Variants in KBTBD3 observed in about 807,000 individuals in gnomAD.
KBTBD3 encodes the protein kelch repeat and BTB domain-containing protein 3.
Under a neutral mutation model 49.6 loss-of-function variants are expected in KBTBD3, and 38 were observed. That is an observed-to-expected ratio of 0.77 (90% CI 0.59 to 1.00). The LOEUF is 1.00. Ranked by LOEUF, KBTBD3 falls within the 50% of genes least tolerant of loss-of-function variation. The pLI, the probability that KBTBD3 is intolerant of heterozygous loss-of-function variation, is 0.00. For missense variants in KBTBD3, 661 were observed against 712.0 expected, an observed-to-expected ratio of 0.93 and a Z score of 0.81; for synonymous variants, 214 against 250.4, an observed-to-expected ratio of 0.85 and a Z score of 1.37.
At chr11:106,064,893 A>G (rs1860774865) in intron 2 of KBTBD3, among the ~76,000 whole-genome samples, 2 of 152,214 alleles carry the variant, frequency 1.3e-5, no homozygotes, top group Admixed American at 6.5e-5. Context: ...CCACTAAAAG[A>G]TATGTATTTA....
At chr11:106,071,643 T>C (rs7935812) in intron 2 of KBTBD3, among the ~76,000 whole-genome samples, 13,708 of 152,246 alleles carry the variant, frequency 0.09, 659 homozygotes, top group Middle Eastern at 0.15. Context: ...TGAAAATTTC[T>C]ATTTCTTAAA....
At position 106,052,333 on chromosome 11, in the gene KBTBD3, T is replaced by C. The variant is rs1860434801; in HGVS notation, c.*517A>G. 6.6e-6 allele frequency: 1 copy of C among 152,244 alleles called. No individual in the cohort carries two copies. Among genetic ancestry groups the C allele is most frequent in the South Asian group, 2.1e-4 (1 of 4,838 alleles). 9.4% of individuals were successfully genotyped at this position (152,244 alleles called of 1,614,324 possible). ...TCATTAAAAAAAGTTAAACTATGTT[T>C]AGTGTACTATTTATAAAGCTGGGAG... On this transcript the variant is annotated 3_prime_UTR_variant, in exon 4 of 4. Transcript: ENST00000531837.
Position 106,058,886 on chromosome 11 carries a change from G to A in KBTBD3, c.212C>T (p.Ala71Val). The change falls in exon 3 of 4, where the codon GCA becomes GTA. Residue 71 changes from alanine to valine, a missense_variant. Coordinates refer to ENST00000531837, the MANE Select transcript of KBTBD3 (RefSeq NM_198439.3). ...EIIPCHRCVL[A>V]ACSDFFRAMF... ...GTACCTGAAAAAGTCACTGCATGCTGCTAACACACAACGATGACACGGGAT... is the reference window on the plus strand; with the variant it reads ...GTACCTGAAAAAGTCACTGCATGCTACTAACACACAACGATGACACGGGAT... 6.4e-7 allele frequency: 1 copy of A among 1,573,564 alleles called. No homozygotes were observed. The highest frequency in any genetic ancestry group is 8.6e-7 in the Non-Finnish European group (1 of 1,165,534).
At chr11:106,054,520 A>G in intron 3 of KBTBD3, 65 bp from the exon 4 acceptor site, 5 of 1,282,262 alleles carry the variant, frequency 3.9e-6, no homozygotes, top group Non-Finnish European at 5.1e-6. Flanking sequence ...TTTCAATATT[A>G]CCTTAAAGAG....
chr11:106,056,094 T>C (rs1860547759), intron 3 of KBTBD3, among the ~76,000 whole-genome samples: 1 of 152,198 alleles, frequency 6.6e-6, no homozygotes, highest in South Asian at 2.1e-4. Context: ...GATATTTTCA[T>C]GCATTGTGCA....
chr11:106,076,206 T>G (rs1861026024), intron 2 of KBTBD3: 1 of 152,244 alleles, frequency 6.6e-6, no homozygotes, highest in Non-Finnish European at 1.5e-5. Context: ...TTTTTATGCG[T>G]ATGATTTATT....
At chr11:106,066,286 G>A (rs1415109630) in intron 2 of KBTBD3, among the ~76,000 whole-genome samples, 1 of 152,120 alleles carries the variant, frequency 6.6e-6, no homozygotes. Context: ...TTGTTGTTTA[G>A]TTGTTTAGTG....
At chr11:106,071,599 G>A (rs1442506644) in intron 2 of KBTBD3, among the ~76,000 whole-genome samples, 3 of 152,106 alleles carry the variant, frequency 2.0e-5, no homozygotes, top group Non-Finnish European at 4.4e-5. Context: ...AGTCTGCCAT[G>A]TATATTCTAT....
At chr11:106,061,877 A>C (rs995412352) in intron 2 of KBTBD3, among the ~76,000 whole-genome samples, 3 of 150,834 alleles carry the variant, frequency 2.0e-5, no homozygotes, top group South Asian at 2.1e-4. Flanking sequence ...GTGTGTGTGT[A>C]TATATATATC....
chr11:106,074,239 G>A (rs1860987126), intron 2 of KBTBD3, among the ~76,000 whole-genome samples: 1 of 151,232 alleles, frequency 6.6e-6, no homozygotes. Flanking sequence ...ACAAAAATCT[G>A]TCCTTTGACC....
At chr11:106,062,104 T>C (rs945092248) in intron 2 of KBTBD3, among the ~76,000 whole-genome samples, 3 of 152,138 alleles carry the variant, frequency 2.0e-5, no homozygotes, top group African/African-American at 7.2e-5. Flanking sequence ...AGGTTGTAAC[T>C]GGCAGTACTG....
intron 2 of KBTBD3, among the ~76,000 whole-genome samples, chr11:106,071,812 C>A (rs1860922840): frequency 6.6e-6 from 1 of 152,144 alleles, no homozygotes; most frequent in Non-Finnish European, 1.5e-5. Context: ...AAAGTGGACA[C>A]ACCTATGACA....
In KBTBD3 at chr11:106,059,085, T is replaced by C. The variant is rs1447204591; in HGVS notation, c.13A>G (p.Met5Val). ...TGATTGAAAGCATATGAATTATCCA[T>C]AGCCAATTCCATATGTCCTTAGAAC... is the stretch of plus-strand genomic sequence containing the variant. The part of the protein sequence containing the change: MELA[M>V]DNSYAFNQRS... The change falls in exon 3 of 4, where the codon ATG becomes GTG. Residue 5 changes from methionine (M) to valine (V), a missense_variant. Transcript: ENST00000531837. 2 of 1,547,500 alleles carry C rather than the reference T, an allele frequency of 1.3e-6. No individual in the cohort carries two copies. Among genetic ancestry groups the C allele is most frequent in the African/African-American group, 1.4e-5 (1 of 70,502 alleles).
intron 3 of KBTBD3, among the ~76,000 whole-genome samples, chr11:106,056,857 G>T (rs559385328): frequency 5.4e-4 from 82 of 152,260 alleles, no homozygotes; most frequent in Admixed American, 2.0e-3. Flanking sequence ...TGAAGGATAT[G>T]GGGGCAGAAA....
At position 106,051,846 on chromosome 11, in the gene KBTBD3, A is replaced by C. The variant is rs1860425359; in HGVS notation, c.*1004T>G. The C allele has an allele frequency of 6.6e-6, 1 of 151,854 alleles. No individual in the cohort carries two copies. Among genetic ancestry groups the C allele is most frequent in the Non-Finnish European group, 1.5e-5 (1 of 67,812 alleles). The allele number at this position is 151,854 out of a possible 1,614,324, so 9.4% of individuals were successfully genotyped here. On this transcript the variant is annotated 3_prime_UTR_variant, in exon 4 of 4. Coordinates refer to ENST00000531837, the MANE Select transcript of KBTBD3 (RefSeq NM_198439.3). Reference sequence around the variant, plus strand: ...ATTTACTGAAGTAGTAAACCAACATAGTGCTTTATAGTTGGTATACATCAT... The same window carrying C: ...ATTTACTGAAGTAGTAAACCAACATCGTGCTTTATAGTTGGTATACATCAT...
intron 2 of KBTBD3, among the ~76,000 whole-genome samples, chr11:106,067,783 G>A (rs1258761324): frequency 6.6e-6 from 1 of 151,982 alleles, no homozygotes; most frequent in Non-Finnish European, 1.5e-5. Context: ...TACTGACGTT[G>A]CAATAATTGC....
chr11:106,076,074 T>C (rs1332921304), intron 2 of KBTBD3: 1 of 152,212 alleles, frequency 6.6e-6, no homozygotes, highest in Non-Finnish European at 1.5e-5. Context: ...TAAAAATCAG[T>C]TTAAAACGAC....
rs1256843997 is a variant in KBTBD3, at chr11:106,054,408, G to T, written c.281C>A (p.Thr94Asn). ...TGCCTTGGAGGACAAATTAGTAATG[G>T]TAACACTTCCATCATCTCTTTCTTT... ...NMKERDDGSV[T>N]ITNLSSKAVK... Residue 94 changes from threonine to asparagine, a missense_variant, in exon 4 of 4, where the codon ACC (threonine) becomes AAC (asparagine). Physicochemically the swap from Thr to Asn is moderately conservative, Grantham distance 65. Transcript: ENST00000531837. 2.5e-6 allele frequency: 4 copies of T among 1,591,496 alleles called. No homozygotes were observed. The highest frequency in any genetic ancestry group is 3.4e-5 in the Admixed American group (2 of 58,058).
chr11:106,064,803 G>A (rs1860772987), intron 2 of KBTBD3, among the ~76,000 whole-genome samples: 1 of 152,054 alleles, frequency 6.6e-6, no homozygotes, highest in Non-Finnish European at 1.5e-5. Flanking sequence ...AATCTCTATG[G>A]CCTGTCTAAA....
Sources: gnomAD v4.1 joint callset for allele counts (sites outside exome capture counted in the v4.1 genomes callset) on GRCh38, gnomAD v4.1.1 for gene constraint, MANE v1.5 for transcripts, NCBI Gene and HGNC (gene_info 2026-07-23, HGNC 2026-07-21) for gene names.